The following LRRN1 variants were observed in gnomAD, a reference collection of about 807,000 sequenced individuals.
The protein encoded by LRRN1 is leucine-rich repeat neuronal protein 1.
Under a neutral mutation model 45.8 loss-of-function variants are expected in LRRN1, and 14 were observed. That is an observed-to-expected ratio of 0.31 (90% confidence interval 0.20 to 0.48). LRRN1 has a LOEUF of 0.48. Among genes scored for constraint, LRRN1 ranks in the 20% least tolerant of loss-of-function variants. The pLI, the probability that LRRN1 is intolerant of heterozygous loss-of-function variation, is 0.99. For synonymous variants in LRRN1, 359 were observed against 330.1 expected, an observed-to-expected ratio of 1.09 and a Z score of -0.95; for missense variants, 789 against 874.2, an observed-to-expected ratio of 0.90 and a Z score of 1.23.
intron 1 of LRRN1, among the ~76,000 whole-genome samples, chr3:3,837,601 G>T (rs1423740789): frequency 6.6e-6 from 1 of 152,130 alleles, no homozygotes; most frequent in Non-Finnish European, 1.5e-5. Context: ...ATGCCAGGAA[G>T]GCTAAATTGT....
intron 1 of LRRN1, among the ~76,000 whole-genome samples, chr3:3,800,257 G>A (rs1206624897): frequency 6.6e-6 from 1 of 152,136 alleles, no homozygotes; most frequent in East Asian, 1.9e-4. Context: ...GCCGACCAGG[G>A]GAGGGAGGTG....
chr3:3,831,004 G>T (rs1693360517), intron 1 of LRRN1, among the ~76,000 whole-genome samples: 1 of 152,146 alleles, frequency 6.6e-6, no homozygotes, highest in South Asian at 2.1e-4. Context: ...GCTCCAAACA[G>T]CATCCCTGTC....
At chr3:3,810,182 T>C (rs548247843) in intron 1 of LRRN1, among the ~76,000 whole-genome samples, 8 of 152,298 alleles carry the variant, frequency 5.3e-5, no homozygotes, top group African/African-American at 1.9e-4. Context: ...TCTGAAAATA[T>C]TATAATGCCC....
intron 1 of LRRN1, among the ~76,000 whole-genome samples, chr3:3,817,710 TAAAAA>T (rs1438581950): frequency 6.6e-6 from 1 of 151,668 alleles, no homozygotes; most frequent in African/African-American, 2.4e-5. Context: ...TTTTTTTAAA[TAAAAA>T]TGTTGTTAAA....
At chr3:3,833,654 G>A (rs373092326) in intron 1 of LRRN1, among the ~76,000 whole-genome samples, 9 of 152,292 alleles carry the variant, frequency 5.9e-5, no homozygotes, top group South Asian at 2.1e-4. Context: ...GGGTGGCTCC[G>A]GAGGAGAATC....
chr3:3,824,607 A>C (rs1211446824), intron 1 of LRRN1, among the ~76,000 whole-genome samples: 4 of 152,270 alleles, frequency 2.6e-5, no homozygotes, highest in Middle Eastern at 3.4e-3. Flanking sequence ...AACCTACCTA[A>C]GCAAAGGTCA....
intron 1 of LRRN1, among the ~76,000 whole-genome samples, chr3:3,837,772 G>C (rs752875232): frequency 5.9e-5 from 9 of 151,428 alleles, no homozygotes; most frequent in Non-Finnish European, 1.2e-4. Context: ...AGGATGTGCA[G>C]GTTTGTTACA....
chr3:3,833,258 T>A (rs1693408039), intron 1 of LRRN1, among the ~76,000 whole-genome samples: 1 of 152,218 alleles, frequency 6.6e-6, no homozygotes, highest in African/African-American at 2.4e-5. Context: ...TTTGGATCCC[T>A]TCCTCTACAT....
intron 1 of LRRN1, among the ~76,000 whole-genome samples, chr3:3,800,249 C>A (rs1386773470): frequency 6.6e-6 from 1 of 151,666 alleles, no homozygotes; most frequent in Admixed American, 6.6e-5. Context: ...TTTCAGGGGC[C>A]GACCAGGGGA....
At chr3:3,838,229 A>G (rs1027621102) in intron 1 of LRRN1, among the ~76,000 whole-genome samples, 5 of 152,148 alleles carry the variant, frequency 3.3e-5, no homozygotes, top group African/African-American at 1.2e-4. Context: ...CCCCTTCCTT[A>G]CACCTTATAA....
intron 1 of LRRN1, among the ~76,000 whole-genome samples, chr3:3,830,545 A>G (rs561583280): frequency 6.6e-6 from 1 of 152,314 alleles, no homozygotes; most frequent in South Asian, 2.1e-4. Context: ...GTGCAGAACC[A>G]TCTGTGAACC....
At chr3:3,841,798 G>A (rs1020313091) in intron 1 of LRRN1, among the ~76,000 whole-genome samples, 12 of 152,154 alleles carry the variant, frequency 7.9e-5, no homozygotes, top group East Asian at 1.9e-4. Flanking sequence ...GATTACAGGC[G>A]TGAGCCACCG....
At chr3:3,827,457 A>G (rs1266891794) in intron 1 of LRRN1, 1 of 456,698 alleles carries the variant, frequency 2.2e-6, no homozygotes. Context: ...ATCTTGCCTC[A>G]TGGAGTAGCT....
rs1471559697 is a variant in LRRN1, at chr3:3,828,152, AT to A, written c.-278-16210del. ...CAGAATTATATATATATATATATAT[AT>A]TATATATATATCTCCCATTAGTGTA... On this transcript the variant is annotated intron_variant, in intron 1 of 1. Coordinates refer to ENST00000319331, the MANE Select transcript of LRRN1 (RefSeq NM_020873.7). Among the ~76,000 whole-genome samples, 33 of 135,654 alleles carry A rather than the reference AT, an allele frequency of 2.4e-4. No homozygotes were observed. The East Asian group carries it at 3.8e-3, about 15-fold the overall frequency. 89.0% of individuals were successfully genotyped at this position (135,654 alleles called of 152,430 possible). A position where few individuals can be genotyped will look rare whatever the true frequency, so the allele number is the denominator to read the frequency against.
chr3:3,836,602 G>C (rs532452764), intron 1 of LRRN1, among the ~76,000 whole-genome samples: 6 of 152,220 alleles, frequency 3.9e-5, no homozygotes, highest in African/African-American at 1.4e-4. Flanking sequence ...GGTTTTTACT[G>C]ATTGGCACAA....
chr3:3,845,395 G>A lies in LRRN1; in HGVS notation c.754G>A (p.Val252Ile). ...ESLSFYDNKLVKVPQLALQKV... is the reference protein window; with the variant it reads ...ESLSFYDNKLIKVPQLALQKV... ...CCTGTCTTTTTATGATAACAAACTGGTTAAAGTCCCTCAACTTGCCCTGCA... is the reference window on the plus strand; with the variant it reads ...CCTGTCTTTTTATGATAACAAACTGATTAAAGTCCCTCAACTTGCCCTGCA... Residue 252 changes from valine to isoleucine, a missense_variant, in exon 2 of 2, where the codon GTT becomes ATT. Coordinates refer to ENST00000319331, the MANE Select transcript of LRRN1 (RefSeq NM_020873.7). The surrounding 1 kb of genome is among the most constrained non-coding windows in gnomAD (Gnocchi z 6.5). The A allele has an allele frequency of 1.2e-6, 2 of 1,614,020 alleles. No homozygotes were observed. The highest frequency in any genetic ancestry group is 8.5e-7 in the Non-Finnish European group (1 of 1,179,990).
intron 1 of LRRN1, among the ~76,000 whole-genome samples, chr3:3,835,584 A>ATTTT (rs59300921): frequency 1.4e-4 from 19 of 135,256 alleles, no homozygotes; most frequent in East Asian, 4.3e-4. Flanking sequence ...GAGCTGCCTG[A>ATTTT]TTTTTTTTTT....
intron 1 of LRRN1, among the ~76,000 whole-genome samples, chr3:3,843,447 A>C (rs7648184): frequency 0.72 from 108,715 of 151,834 alleles, 40,188 homozygotes; most frequent in Non-Finnish European, 0.82. Flanking sequence ...GTTAAATGTA[A>C]TATTTAAATA....
At chr3:3,833,552 A>G (rs573173903) in intron 1 of LRRN1, among the ~76,000 whole-genome samples, 1 of 152,278 alleles carries the variant, frequency 6.6e-6, no homozygotes, top group South Asian at 2.1e-4. Flanking sequence ...TTTCTAGTGT[A>G]GTGCAGCTCC....
Sources: gnomAD v4.1 joint callset for allele counts (sites outside exome capture counted in the v4.1 genomes callset) on GRCh38, gnomAD v4.1.1 for gene constraint, Gnocchi (gnomAD v3.1) non-coding constraint, MANE v1.5 for transcripts, NCBI Gene and HGNC (gene_info 2026-07-23, HGNC 2026-07-21) for gene names.